TRIO: variants seen among roughly 807,000 people sequenced by gnomAD.
TRIO encodes the protein triple functional domain protein.
TRIO carries 58 observed loss-of-function variants against 351.9 expected under a neutral mutation model. The observed-to-expected ratio is 0.16, with a 90% CI of 0.13 to 0.21. The LOEUF (loss-of-function observed/expected upper bound fraction) is 0.21, where lower values mean the gene tolerates loss of function less well. Ranked by LOEUF, TRIO falls within the 10% of genes least tolerant of loss-of-function variation. The pLI, the probability that TRIO is intolerant of heterozygous loss-of-function variation, is 1.00. For missense variants in TRIO, 3,201 were observed against 4,027.8 expected, an observed-to-expected ratio of 0.79 and a Z score of 5.56; for synonymous variants, 1,758 against 1,595.7, an observed-to-expected ratio of 1.10 and a Z score of -2.42.
At chr5:14,359,124 G>A (rs1377284845) in intron 12 of TRIO, among the ~76,000 whole-genome samples, 2 of 152,174 alleles carry the variant, frequency 1.3e-5, no homozygotes, top group Non-Finnish European at 2.9e-5. Context: ...TTCTTACCAA[G>A]TGATTTCAGA....
At chr5:14,281,262 T>TCATGG (rs1735966679) in intron 3 of TRIO, among the ~76,000 whole-genome samples, 1 of 152,102 alleles carries the variant, frequency 6.6e-6, no homozygotes, top group African/African-American at 2.4e-5. Context: ...AAACTTATGA[T>TCATGG]CATGGCAGAA....
chr5:14,149,760 GT>G (rs1787718611), intron 1 of TRIO, among the ~76,000 whole-genome samples: 1 of 109,702 alleles, frequency 9.1e-6, no homozygotes, highest in Non-Finnish European at 2.2e-5. Flanking sequence ...TAGAGCTGGT[GT>G]TTTGGAGGCA....
chr5:14,421,904 C>G (rs893467793), intron 34 of TRIO, among the ~76,000 whole-genome samples: 3 of 152,190 alleles, frequency 2.0e-5, no homozygotes, highest in Non-Finnish European at 2.9e-5. Flanking sequence ...AGGCCTCTGT[C>G]CCCTGGGAAG....
intron 1 of TRIO, among the ~76,000 whole-genome samples, chr5:14,153,181 G>A (rs977665683): frequency 2.0e-4 from 31 of 152,180 alleles, no homozygotes; most frequent in Admixed American, 1.6e-3. Context: ...GACGATGGAG[G>A]CTTTGGAAAG....
At chr5:14,305,239 G>T (rs955508073) in intron 8 of TRIO, among the ~76,000 whole-genome samples, 1 of 152,242 alleles carries the variant, frequency 6.6e-6, no homozygotes, top group Non-Finnish European at 1.5e-5. Context: ...CAGGCAGGCT[G>T]CATGTTCTCA....
intron 1 of TRIO, 46 bp downstream of exon 1, chr5:14,143,928 G>T: frequency 1.9e-6 from 2 of 1,043,874 alleles, no homozygotes; most frequent in Admixed American, 5.6e-5. Context: ...TGCCCCAAGC[G>T]CTCGGCCGAC....
Position 14,508,022 on chromosome 5 carries a change from T to A in TRIO, c.8894T>A (p.Leu2965His), listed in dbSNP as rs1276750547. 6.2e-7 allele frequency: 1 copy of A among 1,614,070 alleles called. No individual in the cohort carries two copies. The highest frequency in any genetic ancestry group is 1.3e-5 in the African/African-American group (1 of 74,924). Residue 2965 changes from leucine to histidine, a missense_variant, in exon 57 of 57, where the codon CTC (leucine) becomes CAC (histidine). Coordinates refer to ENST00000344204, the MANE Select transcript of TRIO (RefSeq NM_007118.4). ...NPEFAAPEII[L>H]GNPVSLTSDT... ...GAATTCGCAGCCCCTGAAATCATCCTCGGGAACCCTGTCTCCCTGACCTCG... is the reference window on the plus strand; with the variant it reads ...GAATTCGCAGCCCCTGAAATCATCCACGGGAACCCTGTCTCCCTGACCTCG...
At chr5:14,379,146 T>C (rs1288696854) in intron 20 of TRIO, among the ~76,000 whole-genome samples, 1 of 152,160 alleles carries the variant, frequency 6.6e-6, no homozygotes, top group African/African-American at 2.4e-5. Context: ...AGCGTCTGTG[T>C]GTGGCCCAGC....
intron 48 of TRIO, 59 bp downstream of exon 48, chr5:14,488,319 A>C: frequency 6.6e-7 from 1 of 1,507,532 alleles, no homozygotes; most frequent in Admixed American, 2.0e-5. Context: ...CGCCAGCTCT[A>C]AACGCCACCG....
chr5:14,250,280 G>A (rs542781515), intron 1 of TRIO, among the ~76,000 whole-genome samples: 8 of 152,278 alleles, frequency 5.3e-5, no homozygotes, highest in Admixed American at 1.3e-4. Flanking sequence ...CCACCTCTGC[G>A]CTGCCAGCAG....
intron 34 of TRIO, among the ~76,000 whole-genome samples, chr5:14,440,555 C>T (rs964590233): frequency 6.6e-6 from 1 of 152,240 alleles, no homozygotes; most frequent in Non-Finnish European, 1.5e-5. Flanking sequence ...TTCCTAAAAA[C>T]TCCTTATAGT....
chr5:14,312,940 A>G (rs142378161), intron 8 of TRIO, among the ~76,000 whole-genome samples: 26 of 152,366 alleles, frequency 1.7e-4, no homozygotes, highest in African/African-American at 6.0e-4. Context: ...ACAAAGACTA[A>G]GACATTTTGC....
chr5:14,162,457 G>A (rs1313333783), intron 1 of TRIO, among the ~76,000 whole-genome samples: 1 of 152,110 alleles, frequency 6.6e-6, no homozygotes, highest in African/African-American at 2.4e-5. Context: ...TTTTTACTTT[G>A]TTCTTTTACC....
chr5:14,291,264 G>T (rs758558258), intron 5 of TRIO, 36 bp downstream of exon 5: 1 of 1,592,468 alleles, frequency 6.3e-7, no homozygotes, highest in Non-Finnish European at 8.6e-7. Flanking sequence ...CAGTGGACAT[G>T]GGGGAAGCCA....
intron 47 of TRIO, among the ~76,000 whole-genome samples, chr5:14,486,757 T>A (rs1406281239): frequency 2.0e-5 from 3 of 152,082 alleles, no homozygotes; most frequent in Non-Finnish European, 4.4e-5. Flanking sequence ...CACCTGCTTC[T>A]TGCACACCCC....
intron 5 of TRIO, among the ~76,000 whole-genome samples, chr5:14,292,212 C>G (rs546224336): frequency 6.6e-6 from 1 of 152,150 alleles, no homozygotes; most frequent in Non-Finnish European, 1.5e-5. Flanking sequence ...AGGTGATAAT[C>G]CAGTGTTTTT....
intron 6 of TRIO, 129 bp from the exon 7 acceptor site, chr5:14,296,943 T>A: frequency 1.6e-6 from 1 of 631,332 alleles, no homozygotes. Flanking sequence ...ATATATCAGG[T>A]GATGCTCCTG....
At chr5:14,415,670 C>T (rs925733427) in intron 33 of TRIO, among the ~76,000 whole-genome samples, 5 of 152,138 alleles carry the variant, frequency 3.3e-5, no homozygotes, top group Admixed American at 2.0e-4. Flanking sequence ...TTCATTCTCT[C>T]GGGTGAAACA....
At chr5:14,310,398 G>T (rs1319214998) in intron 8 of TRIO, among the ~76,000 whole-genome samples, 2 of 152,238 alleles carry the variant, frequency 1.3e-5, no homozygotes, top group African/African-American at 2.4e-5. Context: ...TGGCCTGCTG[G>T]ATCTCATGTG....
Sources: gnomAD v4.1 joint callset for allele counts (sites outside exome capture counted in the v4.1 genomes callset) on GRCh38, gnomAD v4.1.1 for gene constraint, MANE v1.5 for transcripts, NCBI Gene and HGNC (gene_info 2026-07-23, HGNC 2026-07-21) for gene names.